The following BRIP1 variants were observed in gnomAD, a reference collection of about 807,000 sequenced individuals.
BRIP1 encodes the protein BRCA1 interacting DNA helicase 1, also known as Fanconi anemia group J protein.
BRIP1 carries 88 observed loss-of-function variants against 119.7 expected under a neutral mutation model. The ratio of observed to expected loss-of-function variants is 0.74; its 90% CI spans 0.62 to 0.88. The LOEUF is 0.88. Among genes scored for constraint, BRIP1 ranks in the 40% least tolerant of loss-of-function variants. The probability of loss-of-function intolerance (pLI) is 0.00; values close to 1 mark genes in which losing one functional copy is unlikely to be tolerated. For missense variants in BRIP1, 1,259 were observed against 1,455.4 expected (o/e 0.87, Z 2.20); for synonymous variants, 443 against 496.5 (o/e 0.89, Z 1.43).
Position 61,794,822 on chromosome 17 carries a change from T to G in BRIP1, c.1341-1093A>C, listed in dbSNP as rs896986774. On this transcript the variant is annotated intron_variant, in intron 9 of 19. Coordinates refer to ENST00000259008, the MANE Select transcript of BRIP1 (RefSeq NM_032043.3). The surrounding 1 kb of genome is among the most constrained non-coding windows in gnomAD (Gnocchi z 4.3). The stretch of plus-strand genomic sequence containing the variant: ...CAAGAATGCTCTCCCTGAGGTGACA[T>G]TTATTCTAATAACTGAATGCAAAAA... Among the ~76,000 whole-genome samples, 1 of 151,828 alleles carries G rather than the reference T, an allele frequency of 6.6e-6. No homozygotes were observed. Among genetic ancestry groups the G allele is most frequent in the Non-Finnish European group, 1.5e-5 (1 of 67,942 alleles).
rs2077951770 is a variant in BRIP1 at position 61,799,242 on chromosome 17, CCT to C, written c.1196_1197del (p.Glu399GlyfsTer22). On this transcript the variant is annotated frameshift_variant, in exon 9 of 20. Coordinates refer to ENST00000259008, the MANE Select transcript of BRIP1 (RefSeq NM_032043.3). LOFTEE classifies it high-confidence loss of function. This position sits in a 1 kb window ranked among gnomAD's most constrained non-coding sequence, Gnocchi z 5.1. ...VVILDEAHNI[E>X]DCARESASYS... ...TAACTTGCTGATTCCCGAGCACAGTCCTCGATGTTATGAGCTTCATCTAAAAT... is the reference window on the plus strand; with the variant it reads ...TAACTTGCTGATTCCCGAGCACAGTCCGATGTTATGAGCTTCATCTAAAAT... 6.2e-7 allele frequency: 1 copy of C among 1,613,588 alleles called. No individual in the cohort carries two copies. The highest frequency in any genetic ancestry group is 8.5e-7 in the Non-Finnish European group (1 of 1,179,660).
rs551479702 is a variant in BRIP1 at position 61,683,110 on chromosome 17, AACAG to A, written c.*182_*185del. 109 of 662,214 alleles carry A rather than the reference AACAG, an allele frequency of 1.6e-4. No individual in the cohort carries two copies. In the African/African-American group the frequency reaches 1.9e-3, roughly 12 times the overall value. The allele number at this position is 662,214 out of a possible 1,614,324, so 41.0% of individuals were successfully genotyped here. On this transcript the variant is annotated 3_prime_UTR_variant, in exon 20 of 20. Coordinates refer to ENST00000259008, the MANE Select transcript of BRIP1 (RefSeq NM_032043.3). The surrounding 1 kb of genome is among the most constrained non-coding windows in gnomAD (Gnocchi z 4.7). ...CACACCACTGCATTCCAGCCTGGGC[AACAG>A]ACCAAGACTCTGTCTCAAAAAAAAA... is the stretch of plus-strand genomic sequence containing the variant.
Position 61,738,647 on chromosome 17 carries a change from TATA to T in BRIP1, c.2379+4363_2379+4365del, listed in dbSNP as rs571212359. Among the ~76,000 whole-genome samples the T allele has an allele frequency of 8.3e-4, 127 of 152,250 alleles. 1 individual carries two copies. The highest frequency in any genetic ancestry group is 2.8e-3 in the African/African-American group (116 of 41,544). ...AAAAGCATTAAGAACCCCAGATTGG[TATA>T]ATAACAATGTTCAAAATCATAGCTG... On this transcript the variant is annotated intron_variant, in intron 16 of 19. Transcript: ENST00000259008. This position sits in a 1 kb window ranked among gnomAD's most constrained non-coding sequence, Gnocchi z 4.2.
chr17:61,783,648 T>C (rs1446216087), intron 11 of BRIP1, among the ~76,000 whole-genome samples: 1 of 152,094 alleles, frequency 6.6e-6, no homozygotes, highest in Non-Finnish European at 1.5e-5. Context: ...TTGTTTTTCA[T>C]TTTCCACAGT....
chr17:61,683,366 T>C lies in BRIP1; in HGVS notation c.3680A>G (p.His1227Arg), dbSNP rs755069935. The C allele has an allele frequency of 1.2e-6, 2 of 1,611,684 alleles. No individual in the cohort carries two copies. The highest frequency in any genetic ancestry group is 1.1e-5 in the South Asian group (1 of 90,632). ...WINELELGKT[H>R]EIEIKNFKPS... ...TTTAAAGTTCTTTATTTCTATTTCA[T>C]GAGTTTTTCCCAGTTCCAGTTCATT... is the stretch of plus-strand genomic sequence containing the variant. The change falls in exon 20 of 20, where the codon CAT becomes CGT. Residue 1227 changes from histidine to arginine, a missense_variant. His to Arg is a conservative substitution (Grantham distance 29). Around this residue, in one of 3 missense-constraint regions of BRIP1, gnomAD observed 753 missense variants for 891.8 expected, o/e 0.84. Transcript: ENST00000259008. This position sits in a 1 kb window ranked among gnomAD's most constrained non-coding sequence, Gnocchi z 4.7.
chr17:61,849,272 TA>T lies in BRIP1; in HGVS notation c.380-17del, dbSNP rs545021924. 3.8e-5 allele frequency: 61 copies of T among 1,602,074 alleles called. No individual in the cohort carries two copies. The Admixed American group carries it at 9.9e-4, about 26-fold the overall frequency. On this transcript the variant is annotated splice_polypyrimidine_tract_variant and intron_variant, in intron 4 of 19. Coordinates refer to ENST00000259008, the MANE Select transcript of BRIP1 (RefSeq NM_032043.3). ...TCAGGGGAGTCTTATATAAGTAATT[TA>T]AAAAAAACAGCATAAATAACTTACA...
chr17:61,765,411 ATATATATATATATTTTTTTTTTT>A (rs1567798993), intron 14 of BRIP1, among the ~76,000 whole-genome samples: 1 of 14,236 alleles, frequency 7.0e-5, no homozygotes, highest in African/African-American at 3.4e-4. Context: ...ATATATATAT[ATATATATATATATTTTTTTTTTT>A]TTTTTTTTTT....
intron 4 of BRIP1, among the ~76,000 whole-genome samples, chr17:61,855,731 C>T (rs1452507467): frequency 6.6e-6 from 1 of 152,014 alleles, no homozygotes; most frequent in Admixed American, 6.6e-5. Context: ...TTCCTAACAA[C>T]AAATATTTAT....
At chr17:61,821,835 TC>T (rs1278403683) in intron 6 of BRIP1, among the ~76,000 whole-genome samples, 7 of 152,260 alleles carry the variant, frequency 4.6e-5, no homozygotes, top group African/African-American at 1.7e-4. Flanking sequence ...AAGTGATCCT[TC>T]CGTCTCAGCC....
At chr17:61,765,381 A>ATT (rs1567798665) in intron 14 of BRIP1, among the ~76,000 whole-genome samples, 1 of 28,184 alleles carries the variant, frequency 3.5e-5, no homozygotes, top group Non-Finnish European at 5.9e-5. Flanking sequence ...TGTATATATT[A>ATT]TATATATATA....
At chr17:61,813,409 A>G (rs2078192830) in intron 6 of BRIP1, among the ~76,000 whole-genome samples, 1 of 152,056 alleles carries the variant, frequency 6.6e-6, no homozygotes, top group Admixed American at 6.5e-5. Flanking sequence ...TTTTGCACAT[A>G]ACTGTAACTT....
rs2061655019 is a variant in BRIP1, at chr17:61,704,046, G to C, written c.2493-10534C>G. Among the ~76,000 whole-genome samples the C allele has an allele frequency of 6.6e-6, 1 of 152,176 alleles. No individual in the cohort carries two copies. Among genetic ancestry groups the C allele is most frequent in the Non-Finnish European group, 1.5e-5 (1 of 67,970 alleles). The stretch of plus-strand genomic sequence containing the variant: ...AGTTAATTTTAATCCATCTTGAGTT[G>C]ATTTTTGTATATGGTAAAAGGTAGG... On this transcript the variant is annotated intron_variant, in intron 17 of 19. Coordinates refer to ENST00000259008, the MANE Select transcript of BRIP1 (RefSeq NM_032043.3). The surrounding 1 kb of genome is among the most constrained non-coding windows in gnomAD (Gnocchi z 5.7).
In BRIP1 at chr17:61,810,677, A is replaced by AATTCC. The variant is rs1240079110; in HGVS notation, c.628-1925_628-1921dup. ...TTTTGATGTTACACTTTTCAACATC[A>AATTCC]ATTCCACTTAAAGCTTTACCATCTA... On this transcript the variant is annotated intron_variant, in intron 6 of 19. Transcript: ENST00000259008. This position sits in a 1 kb window ranked among gnomAD's most constrained non-coding sequence, Gnocchi z 4.7. 6.6e-6 allele frequency among the ~76,000 whole-genome samples: 1 copy of AATTCC among 152,180 alleles called. No homozygotes were observed. Among genetic ancestry groups the AATTCC allele is most frequent in the African/African-American group, 2.4e-5 (1 of 41,448 alleles).
At position 61,695,454 on chromosome 17, in the gene BRIP1, G is replaced by A. The variant is rs543322760; in HGVS notation, c.2493-1942C>T. Among the ~76,000 whole-genome samples, 2 of 152,032 alleles carry A rather than the reference G, an allele frequency of 1.3e-5. No individual in the cohort carries two copies. The highest frequency in any genetic ancestry group is 4.8e-5 in the African/African-American group (2 of 41,438). ...TAGTATGTTCTTCTTTTTCAAGATT[G>A]TTTTGACTATTCTGGGTTCCTTGCT... On this transcript the variant is annotated intron_variant, in intron 17 of 19. Coordinates refer to ENST00000259008, the MANE Select transcript of BRIP1 (RefSeq NM_032043.3). This position sits in a 1 kb window ranked among gnomAD's most constrained non-coding sequence, Gnocchi z 4.3.
chr17:61,761,599 T>C lies in BRIP1; in HGVS notation c.2097+14802A>G, dbSNP rs2077277874. On this transcript the variant is annotated intron_variant, in intron 14 of 19. Coordinates refer to ENST00000259008, the MANE Select transcript of BRIP1 (RefSeq NM_032043.3). The surrounding 1 kb of genome is among the most constrained non-coding windows in gnomAD (Gnocchi z 6.4). Reference sequence around the variant, plus strand: ...ACAAAATCAACACACAAAAAATCAGTAGCATTTCTATATACTAATAACAGA... The same window carrying C: ...ACAAAATCAACACACAAAAAATCAGCAGCATTTCTATATACTAATAACAGA... Among the ~76,000 whole-genome samples the C allele has an allele frequency of 1.3e-5, 2 of 151,880 alleles. No homozygotes were observed. The highest frequency in any genetic ancestry group is 6.6e-5 in the Admixed American group (1 of 15,218).
rs1567788020 is a variant in BRIP1 at position 61,752,034 on chromosome 17, C to T, written c.2098-7443G>A. On this transcript the variant is annotated intron_variant, in intron 14 of 19. Transcript: ENST00000259008. This position sits in a 1 kb window ranked among gnomAD's most constrained non-coding sequence, Gnocchi z 6.2. ...TCCACCCCTCAGCCTCCCAAAGTGC[C>T]GGGATCACAGGCATGACCCACTGCG... Among the ~76,000 whole-genome samples, 3 of 152,128 alleles carry T rather than the reference C, an allele frequency of 2.0e-5. No individual in the cohort carries two copies. Among genetic ancestry groups the T allele is most frequent in the Non-Finnish European group, 1.5e-5 (1 of 67,980 alleles).
At position 61,843,603 on chromosome 17, in the gene BRIP1, G is replaced by C. The variant is rs1366251286; in HGVS notation, c.627+3498C>G. Among the ~76,000 whole-genome samples, 2 of 151,990 alleles carry C rather than the reference G, an allele frequency of 1.3e-5. No homozygotes were observed. Among genetic ancestry groups the C allele is most frequent in the Non-Finnish European group, 2.9e-5 (2 of 68,008 alleles). Reference sequence around the variant, plus strand: ...ACACGAGATCTGGTTATTTAAAACAGTGTGGAACCTCCTCTGCTCTCTCCT... The same window carrying C: ...ACACGAGATCTGGTTATTTAAAACACTGTGGAACCTCCTCTGCTCTCTCCT... On this transcript the variant is annotated intron_variant, in intron 6 of 19. Coordinates refer to ENST00000259008, the MANE Select transcript of BRIP1 (RefSeq NM_032043.3). The surrounding 1 kb of genome is among the most constrained non-coding windows in gnomAD (Gnocchi z 5.7).
chr17:61,752,641 G>A lies in BRIP1; in HGVS notation c.2098-8050C>T, dbSNP rs1276317071. ...CCTTTATTAAATTGCCTACAAGTAC[G>A]TGAATCCTTAAATGCTCTCTGAATA... On this transcript the variant is annotated intron_variant, in intron 14 of 19. Transcript: ENST00000259008. The surrounding 1 kb of genome is among the most constrained non-coding windows in gnomAD (Gnocchi z 6.2). 4.6e-5 allele frequency among the ~76,000 whole-genome samples: 7 copies of A among 152,094 alleles called. No individual in the cohort carries two copies. The highest frequency in any genetic ancestry group is 7.4e-5 in the Non-Finnish European group (5 of 68,010).
rs1465604904 is a variant in BRIP1, at chr17:61,770,116, T to C, written c.2097+6285A>G. Among the ~76,000 whole-genome samples the C allele has an allele frequency of 6.6e-6, 1 of 152,194 alleles. No homozygotes were observed. Among genetic ancestry groups the C allele is most frequent in the African/African-American group, 2.4e-5 (1 of 41,442 alleles). ...TCCTTATCCAACATGAGGGAAGGGA[T>C]CATTTCCTAAACTGCAGCTCCCTGC... On this transcript the variant is annotated intron_variant, in intron 14 of 19. Transcript: ENST00000259008. This position sits in a 1 kb window ranked among gnomAD's most constrained non-coding sequence, Gnocchi z 4.7.
Sources: allele counts gnomAD v4.1 joint callset (sites outside exome capture counted in the v4.1 genomes callset), GRCh38; gene constraint gnomAD v4.1.1; regional missense constraint gnomAD v4.1.1; non-coding constraint Gnocchi (gnomAD v3.1); transcripts MANE v1.5; gene names NCBI Gene and HGNC (gene_info 2026-07-23, HGNC 2026-07-21).